The following ROR1 variants were observed in gnomAD, a reference collection of about 807,000 sequenced individuals.
ROR1 encodes ROR family WNT receptor 1.
In ROR1, 19 loss-of-function variants were observed where a neutral mutation model predicts 78.8. The ratio of observed to expected loss-of-function variants is 0.24; its 90% CI spans 0.17 to 0.35. ROR1 has a LOEUF of 0.35. Among genes scored for constraint, ROR1 ranks in the 10% least tolerant of loss-of-function variants. ROR1 has a pLI of 1.00. For missense variants in ROR1, 917 were observed against 1,177.8 expected, an observed-to-expected ratio of 0.78 and a Z score of 3.24; for synonymous variants, 386 against 433.6, an observed-to-expected ratio of 0.89 and a Z score of 1.36.
At chr1:63,933,523 C>T (rs537781734) in intron 1 of ROR1, among the ~76,000 whole-genome samples, 8 of 152,286 alleles carry the variant, frequency 5.3e-5, no homozygotes, top group Admixed American at 1.3e-4. Context: ...TGCTCTCTTT[C>T]GTAAGTTTTC....
At chr1:63,998,800 C>A (rs1365341268) in intron 1 of ROR1, among the ~76,000 whole-genome samples, 3 of 152,176 alleles carry the variant, frequency 2.0e-5, no homozygotes, top group African/African-American at 7.2e-5. Context: ...TGTCCCCACC[C>A]AAATCTCATC....
At chr1:64,161,581 G>A (rs1186560541) in intron 8 of ROR1, among the ~76,000 whole-genome samples, 1 of 152,192 alleles carries the variant, frequency 6.6e-6, no homozygotes, top group East Asian at 1.9e-4. Flanking sequence ...CATGGTCAGA[G>A]ACAAATGTGA....
chr1:63,886,666 A>C (rs1569862403), intron 1 of ROR1, among the ~76,000 whole-genome samples: 1 of 152,158 alleles, frequency 6.6e-6, no homozygotes, highest in East Asian at 1.9e-4. Flanking sequence ...TGGCTGCTAC[A>C]TCATTTTCCC....
chr1:64,033,468 G>A (rs1318441259), intron 2 of ROR1, among the ~76,000 whole-genome samples: 1 of 152,122 alleles, frequency 6.6e-6, no homozygotes, highest in Non-Finnish European at 1.5e-5. Flanking sequence ...GCATGATCCT[G>A]TGTAAAAGTT....
At chr1:63,921,405 A>G (rs1205616478) in intron 1 of ROR1, among the ~76,000 whole-genome samples, 1 of 152,110 alleles carries the variant, frequency 6.6e-6, no homozygotes, top group African/African-American at 2.4e-5. Flanking sequence ...TAGAGAACCA[A>G]GTAAATGGCA....
At chr1:63,837,970 A>T (rs1374422151) in intron 1 of ROR1, among the ~76,000 whole-genome samples, 1 of 152,142 alleles carries the variant, frequency 6.6e-6, no homozygotes, top group Non-Finnish European at 1.5e-5. Flanking sequence ...GTTATAATGG[A>T]GCTGAAAAAC....
chr1:64,056,588 A>G (rs984397881), intron 4 of ROR1, among the ~76,000 whole-genome samples: 1 of 151,746 alleles, frequency 6.6e-6, no homozygotes, highest in Non-Finnish European at 1.5e-5. Context: ...AGGCAGGAGA[A>G]TCACTTGAAC....
chr1:63,983,739 C>T lies in ROR1; in HGVS notation c.92-25566C>T, dbSNP rs187569718. On this transcript the variant is annotated intron_variant, in intron 1 of 8. Coordinates refer to ENST00000371079, the MANE Select transcript of ROR1 (RefSeq NM_005012.4). ...ACAATGTCCTCATTCTTTAATATTG[C>T]GGTTGAGTGGAGTAAGTTTTGACTT... Among the ~76,000 whole-genome samples the T allele has an allele frequency of 6.7e-3, 1,017 of 152,222 alleles. 11 individuals carry two copies. The highest frequency in any genetic ancestry group is 0.022 in the African/African-American group (924 of 41,538).
chr1:64,143,106 G>A, intron 7 of ROR1: 2 of 1,009,286 alleles, frequency 2.0e-6, no homozygotes, highest in Non-Finnish European at 1.2e-6. Context: ...CAATCTGTGG[G>A]TAAACTGTGT....
At chr1:63,865,007 C>T (rs1645206403) in intron 1 of ROR1, among the ~76,000 whole-genome samples, 3 of 152,044 alleles carry the variant, frequency 2.0e-5, no homozygotes, top group African/African-American at 7.2e-5. Flanking sequence ...TGAGTCCTTT[C>T]AAACCCCTGT....
chr1:64,028,016 T>A (rs1413000785), intron 2 of ROR1, among the ~76,000 whole-genome samples: 2 of 152,196 alleles, frequency 1.3e-5, no homozygotes, highest in Non-Finnish European at 2.9e-5. Context: ...GATGTTGATA[T>A]GGCTGTTGGC....
At chr1:63,784,018 T>C (rs1404352844) in intron 1 of ROR1, among the ~76,000 whole-genome samples, 4 of 149,940 alleles carry the variant, frequency 2.7e-5, no homozygotes, top group African/African-American at 7.3e-5. Context: ...ATCATTATTA[T>C]GCCAAACTGC....
intron 1 of ROR1, among the ~76,000 whole-genome samples, chr1:63,880,587 ACT>A (rs1645315746): frequency 1.3e-5 from 2 of 152,044 alleles, no homozygotes; most frequent in South Asian, 4.2e-4. Context: ...TCTTTAAAAG[ACT>A]CTGCCTGTAA....
intron 1 of ROR1, among the ~76,000 whole-genome samples, chr1:63,834,212 G>A (rs1645006509): frequency 6.6e-6 from 1 of 151,714 alleles, no homozygotes; most frequent in African/African-American, 2.4e-5. Flanking sequence ...TTTGAGCTGA[G>A]GGATGGCAGG....
At chr1:64,014,934 T>A (rs890366093) in intron 2 of ROR1, among the ~76,000 whole-genome samples, 1 of 149,936 alleles carries the variant, frequency 6.7e-6, no homozygotes, top group South Asian at 2.2e-4. Flanking sequence ...ATGTATCTGT[T>A]ACTGTATTAA....
At chr1:64,006,699 TTTGGCTCAGGACG>T (rs1411339495) in intron 1 of ROR1, among the ~76,000 whole-genome samples, 3 of 152,192 alleles carry the variant, frequency 2.0e-5, no homozygotes, top group Non-Finnish European at 4.4e-5. Flanking sequence ...CTATGCTATT[TTTGGCTCAGGACG>T]TTGGAGGAAA....
chr1:63,891,463 C>G (rs1393130713), intron 1 of ROR1, among the ~76,000 whole-genome samples: 1 of 152,052 alleles, frequency 6.6e-6, no homozygotes, highest in Non-Finnish European at 1.5e-5. Flanking sequence ...CAGGTGTGAG[C>G]GGTTGCCTAG....
intron 1 of ROR1, among the ~76,000 whole-genome samples, chr1:63,849,339 G>A (rs1645099972): frequency 6.6e-6 from 1 of 151,774 alleles, no homozygotes; most frequent in Admixed American, 6.6e-5. Flanking sequence ...TTTACTTTTG[G>A]CTTGGCACCA....
intron 8 of ROR1, among the ~76,000 whole-genome samples, chr1:64,161,226 A>C (rs1649933776): frequency 1.3e-5 from 2 of 152,232 alleles, no homozygotes; most frequent in Non-Finnish European, 2.9e-5. Context: ...ATTGAGACAC[A>C]AACAGACTAA....
Sources: allele counts gnomAD v4.1 joint callset (sites outside exome capture counted in the v4.1 genomes callset), GRCh38; gene constraint gnomAD v4.1.1; transcripts MANE v1.5; gene names NCBI Gene and HGNC (gene_info 2026-07-23, HGNC 2026-07-21).